MFHAS1: variants seen among roughly 807,000 people sequenced by gnomAD.
MFHAS1 encodes the protein multifunctional ROCO family signaling regulator 1.
MFHAS1 carries 50 observed loss-of-function variants against 70.4 expected under a neutral mutation model. That is an observed-to-expected ratio of 0.71 (90% confidence interval 0.57 to 0.90). The LOEUF is 0.90. MFHAS1 is among the 40% of genes least tolerant of loss of function. The pLI is 0.00. For missense variants in MFHAS1, 1,795 were observed against 1,347.6 expected (o/e 1.33, Z -5.20); for synonymous variants, 952 against 620.0 (o/e 1.54, Z -7.96).
At chr8:8,793,013 G>C (rs551919329) in intron 2 of MFHAS1, among the ~76,000 whole-genome samples, 2 of 152,204 alleles carry the variant, frequency 1.3e-5, no homozygotes, top group African/African-American at 2.4e-5. Flanking sequence ...AATCAGCAAG[G>C]GGGAGAAGAA....
chr8:8,803,280 G>A (rs1242228288), intron 1 of MFHAS1, among the ~76,000 whole-genome samples: 1 of 151,964 alleles, frequency 6.6e-6, no homozygotes, highest in Admixed American at 6.6e-5. Context: ...GGAGGCCGAG[G>A]GGTGGGGGCA....
At chr8:8,870,375 A>C (rs1169129159) in intron 1 of MFHAS1, among the ~76,000 whole-genome samples, 2 of 152,038 alleles carry the variant, frequency 1.3e-5, no homozygotes, top group Admixed American at 1.3e-4. Flanking sequence ...CTGCAGTGGA[A>C]GGATAGCTTG....
chr8:8,881,669 A>T (rs563636275), intron 1 of MFHAS1, among the ~76,000 whole-genome samples: 109 of 152,272 alleles, frequency 7.2e-4, no homozygotes, highest in African/African-American at 2.5e-3. Flanking sequence ...CGCTGTCTCT[A>T]CTAAAAATAC....
intron 1 of MFHAS1, among the ~76,000 whole-genome samples, chr8:8,884,477 T>C (rs538110628): frequency 1.2e-4 from 18 of 152,194 alleles, no homozygotes; most frequent in Non-Finnish European, 2.1e-4. Flanking sequence ...TTAGATATAA[T>C]AAGGCAAGAA....
chr8:8,812,668 G>C (rs1806593462), intron 1 of MFHAS1, among the ~76,000 whole-genome samples: 1 of 152,168 alleles, frequency 6.6e-6, no homozygotes, highest in Non-Finnish European at 1.5e-5. Flanking sequence ...GGGGTAATGT[G>C]GCTACAGGCA....
intron 2 of MFHAS1, among the ~76,000 whole-genome samples, chr8:8,786,480 G>A (rs866630688): frequency 2.0e-5 from 3 of 152,300 alleles, no homozygotes; most frequent in Middle Eastern, 3.4e-3. Flanking sequence ...ACTAAAAAGT[G>A]AGATGTCTGT....
At chr8:8,810,812 G>C (rs113598024) in intron 1 of MFHAS1, among the ~76,000 whole-genome samples, 2,585 of 152,242 alleles carry the variant, frequency 0.017, 40 homozygotes, top group Non-Finnish European at 0.028. Flanking sequence ...AGTTGTTCAA[G>C]GGTCAAGTGT....
rs138467178 is a variant in MFHAS1 at position 8,803,947 on chromosome 8, G to A, written c.2999-6456C>T. On this transcript the variant is annotated intron_variant, in intron 1 of 2. Transcript: ENST00000276282. ...AGACTGTGCCATTGCACTCCAGCCT[G>A]GGCGACAGAGTGAGACTCTGTCTCA... 7.6e-4 allele frequency among the ~76,000 whole-genome samples: 116 copies of A among 152,242 alleles called. 1 individual carries two copies. The highest frequency in any genetic ancestry group is 2.7e-3 in the African/African-American group (112 of 41,542).
chr8:8,888,400 C>T (rs1809852855), intron 1 of MFHAS1, among the ~76,000 whole-genome samples: 1 of 152,094 alleles, frequency 6.6e-6, no homozygotes, highest in Non-Finnish European at 1.5e-5. Context: ...CCTCCGGGTC[C>T]CCTGGGGGTG....
intron 1 of MFHAS1, among the ~76,000 whole-genome samples, chr8:8,828,515 G>A (rs555013607): frequency 1.3e-5 from 2 of 152,132 alleles, no homozygotes; most frequent in Non-Finnish European, 2.9e-5. Flanking sequence ...GTAACAGCCC[G>A]GGCCCTAGTC....
intron 2 of MFHAS1, among the ~76,000 whole-genome samples, chr8:8,795,175 C>A (rs978090068): frequency 5.3e-5 from 8 of 151,946 alleles, no homozygotes; most frequent in African/African-American, 1.9e-4. Flanking sequence ...TCTGTAATAT[C>A]CCCTTGAGCT....
chr8:8,857,574 T>C (rs181075548), intron 1 of MFHAS1, among the ~76,000 whole-genome samples: 451 of 152,072 alleles, frequency 3.0e-3, no homozygotes, highest in African/African-American at 0.01. Context: ...CTGGCCAATA[T>C]TGTGAAACCC....
intron 1 of MFHAS1, among the ~76,000 whole-genome samples, chr8:8,828,907 G>C (rs909788936): frequency 6.6e-6 from 1 of 152,150 alleles, no homozygotes; most frequent in Non-Finnish European, 1.5e-5. Context: ...AGTCCTTCAT[G>C]TCTTTCCTTT....
intron 1 of MFHAS1, among the ~76,000 whole-genome samples, chr8:8,839,539 G>A (rs934170166): frequency 1.3e-5 from 2 of 152,190 alleles, no homozygotes; most frequent in Non-Finnish European, 2.9e-5. Flanking sequence ...CTGTGGGTAA[G>A]TAACCACTTG....
intron 1 of MFHAS1, among the ~76,000 whole-genome samples, chr8:8,887,836 A>G (rs1809825649): frequency 6.7e-6 from 1 of 149,424 alleles, no homozygotes; most frequent in East Asian, 2.0e-4. Context: ...TTAAACATAA[A>G]GAGCTGACGT....
chr8:8,836,896 G>C (rs1350465602), intron 1 of MFHAS1, among the ~76,000 whole-genome samples: 1 of 152,104 alleles, frequency 6.6e-6, no homozygotes, highest in Non-Finnish European at 1.5e-5. Flanking sequence ...TTCCGCCGCA[G>C]TGACAGTCAT....
In MFHAS1 at chr8:8,890,314, C is replaced by A. The variant is rs1809941039; in HGVS notation, c.2745G>T (p.Gln915His). ...GAACTTTCCCTCTATAGGCAAAGAT[C>A]TGAAATTTACCATCCGACCTGTGCA... Reference protein sequence around the residue: ...HVVHRSDGKFQIFAYRGKVPV... With the variant: ...HVVHRSDGKFHIFAYRGKVPV... Residue 915 changes from glutamine (Q) to histidine (H), a missense_variant, in exon 1 of 3, where the codon CAG becomes CAT. Coordinates refer to ENST00000276282, the MANE Select transcript of MFHAS1 (RefSeq NM_004225.3). The A allele has an allele frequency of 1.2e-6, 2 of 1,614,228 alleles. No homozygotes were observed. The highest frequency in any genetic ancestry group is 3.3e-4 in the Middle Eastern group (2 of 6,062).
intron 1 of MFHAS1, among the ~76,000 whole-genome samples, chr8:8,868,401 A>C (rs1189160854): frequency 6.7e-6 from 1 of 149,920 alleles, no homozygotes; most frequent in African/African-American, 2.5e-5. Context: ...AGCCATAATT[A>C]ATCACCGAGA....
intron 1 of MFHAS1, among the ~76,000 whole-genome samples, chr8:8,889,604 C>A (rs534119833): frequency 6.6e-6 from 1 of 152,182 alleles, no homozygotes; most frequent in Non-Finnish European, 1.5e-5. Context: ...TATGTACTCA[C>A]GAAAATTTAA....
Sources: allele counts gnomAD v4.1 joint callset (sites outside exome capture counted in the v4.1 genomes callset), GRCh38; gene constraint gnomAD v4.1.1; transcripts MANE v1.5; gene names NCBI Gene and HGNC (gene_info 2026-07-23, HGNC 2026-07-21).